The following MATN2 variants were observed in gnomAD, a reference collection of about 807,000 sequenced individuals.
MATN2 encodes matrilin-2.
In MATN2, 69 loss-of-function variants were observed where a neutral mutation model predicts 103.2. The observed-to-expected ratio is 0.67, with a 90% CI of 0.55 to 0.82. The LOEUF (loss-of-function observed/expected upper bound fraction) is 0.82, where lower values mean the gene tolerates loss of function less well. Ranked by LOEUF, MATN2 falls within the 40% of genes least tolerant of loss-of-function variation. The pLI is 0.00. For missense variants in MATN2, 1,023 were observed against 1,211.5 expected (o/e 0.84, Z 2.31); for synonymous variants, 429 against 450.2 (o/e 0.95, Z 0.60).
At chr8:97,939,338 A>T (rs1810478558) in intron 3 of MATN2, among the ~76,000 whole-genome samples, 2 of 152,184 alleles carry the variant, frequency 1.3e-5, no homozygotes, top group Admixed American at 6.6e-5. Flanking sequence ...CACCATTTTA[A>T]ACCGCAAAAT....
At chr8:97,970,277 A>G (rs1243354572) in intron 5 of MATN2, among the ~76,000 whole-genome samples, 1 of 152,198 alleles carries the variant, frequency 6.6e-6, no homozygotes, top group Non-Finnish European at 1.5e-5. Context: ...AGGTGTTGCC[A>G]TAGCAACAGT....
intron 2 of MATN2, among the ~76,000 whole-genome samples, chr8:97,928,218 CTTTTTTTTTTT>C (rs34226792): frequency 4.5e-5 from 4 of 89,290 alleles, no homozygotes; most frequent in East Asian, 3.9e-4. Context: ...GCACTCCTGC[CTTTTTTTTTTT>C]TTTTTTTTTT....
chr8:97,904,687 T>C (rs907987944), intron 2 of MATN2, among the ~76,000 whole-genome samples: 13 of 152,142 alleles, frequency 8.5e-5, no homozygotes, highest in African/African-American at 3.1e-4. Flanking sequence ...CAGTCTCAAT[T>C]TGTAGATAAG....
chr8:97,994,548 T>A lies in MATN2; in HGVS notation c.1150T>A (p.Ser384Thr), dbSNP rs77491480. The change falls in exon 7 of 19, where the codon TCC (serine) becomes ACC (threonine). Residue 384 changes from serine to threonine, a missense_variant. Coordinates refer to ENST00000254898, the MANE Select transcript of MATN2 (RefSeq NM_002380.5). ...GTGTGTTAACACAGATGATTCCTATTCCTGCCACTGCCTGAAAGGCTTTAC... is the reference window on the plus strand; with the variant it reads ...GTGTGTTAACACAGATGATTCCTATACCTGCCACTGCCTGAAAGGCTTTAC... ...HECVNTDDSY[S>T]CHCLKGFTLN... 6.2e-7 allele frequency: 1 copy of A among 1,613,350 alleles called. No individual in the cohort carries two copies. The highest frequency in any genetic ancestry group is 8.5e-7 in the Non-Finnish European group (1 of 1,179,796).
intron 1 of MATN2, among the ~76,000 whole-genome samples, chr8:97,874,983 TG>T (rs1198242230): frequency 6.6e-6 from 1 of 152,174 alleles, no homozygotes. Flanking sequence ...CCCAAAATGC[TG>T]GGATTACAGG....
chr8:98,016,504 C>A, intron 10 of MATN2, 36 bp from the exon 11 acceptor site: 1 of 1,579,102 alleles, frequency 6.3e-7, no homozygotes, highest in African/African-American at 1.3e-5. Context: ...GAGTCATTTT[C>A]TTCTTCTGTT....
Position 97,869,255 on chromosome 8 carries a change from C to G in MATN2, c.-59C>G, listed in dbSNP as rs1817811163. 6.6e-6 allele frequency: 1 copy of G among 152,280 alleles called. No homozygotes were observed. Among genetic ancestry groups the G allele is most frequent in the African/African-American group, 2.4e-5 (1 of 41,470 alleles). 9.4% of individuals were successfully genotyped at this position (152,280 alleles called of 1,614,324 possible). ...CGAGGAAGACCCGGGTGGCTGCGCC[C>G]CTGCCTCGCTTCCCAGGCGCCGGCG... On this transcript the variant is annotated 5_prime_UTR_variant, in exon 1 of 19. Coordinates refer to ENST00000254898, the MANE Select transcript of MATN2 (RefSeq NM_002380.5).
intron 2 of MATN2, among the ~76,000 whole-genome samples, chr8:97,905,906 C>T (rs112226297): frequency 0.015 from 2,325 of 152,272 alleles, 65 homozygotes; most frequent in African/African-American, 0.053. Context: ...AGCAATCCAC[C>T]TGCCATGGCC....
At chr8:98,027,143 A>G (rs931700407) in intron 13 of MATN2, among the ~76,000 whole-genome samples, 6 of 152,054 alleles carry the variant, frequency 3.9e-5, no homozygotes, top group African/African-American at 1.2e-4. Flanking sequence ...CCAGGGTACA[A>G]TGTAGACTTG....
At position 98,027,523 on chromosome 8, in the gene MATN2, T is replaced by G. The variant is rs779837261; in HGVS notation, c.2050T>G (p.Ser684Ala). 6.2e-7 allele frequency: 1 copy of G among 1,613,802 alleles called. No individual in the cohort carries two copies. The highest frequency in any genetic ancestry group is 1.3e-5 in the African/African-American group (1 of 74,898). The change falls in exon 14 of 19, where the codon TCC (serine) becomes GCC (alanine). Residue 684 changes from serine to alanine, a missense_variant. Coordinates refer to ENST00000254898, the MANE Select transcript of MATN2 (RefSeq NM_002380.5). ...VKQFVTGIID[S>A]LTISPKAARV... ...GCAGTTTGTCACTGGAATTATAGAT[T>G]CCTTGACAATTTCCCCCAAAGCCGC...
At chr8:97,880,911 G>C (rs1818234088) in intron 1 of MATN2, among the ~76,000 whole-genome samples, 2 of 152,156 alleles carry the variant, frequency 1.3e-5, no homozygotes, top group Admixed American at 6.5e-5. Flanking sequence ...CAAGTAGACT[G>C]ACTGCCTGAG....
intron 1 of MATN2, among the ~76,000 whole-genome samples, chr8:97,875,673 G>A (rs1197539215): frequency 2.8e-5 from 4 of 145,042 alleles, no homozygotes; most frequent in South Asian, 2.2e-4. Flanking sequence ...CTCTGGATCT[G>A]TGTAGAGTAT....
intron 2 of MATN2, among the ~76,000 whole-genome samples, chr8:97,903,641 G>A (rs1819064840): frequency 1.3e-5 from 2 of 152,176 alleles, no homozygotes; most frequent in Non-Finnish European, 1.5e-5. Context: ...GGCAGATGCT[G>A]CTGTGTAGAG....
intron 2 of MATN2, among the ~76,000 whole-genome samples, chr8:97,923,504 T>TC (rs746338491): frequency 5.3e-5 from 8 of 152,094 alleles, no homozygotes; most frequent in Admixed American, 1.3e-4. Context: ...TCTCCAATAT[T>TC]CTTGTCTTCC....
chr8:97,973,161 G>A (rs935633289), intron 5 of MATN2, among the ~76,000 whole-genome samples: 11 of 152,276 alleles, frequency 7.2e-5, no homozygotes, highest in South Asian at 4.1e-4. Context: ...CTCATCTGCC[G>A]TCTCCAGAAG....
At chr8:97,967,290 T>C (rs1178030609) in intron 5 of MATN2, among the ~76,000 whole-genome samples, 1 of 152,178 alleles carries the variant, frequency 6.6e-6, no homozygotes, top group African/African-American at 2.4e-5. Flanking sequence ...CCATATTTCA[T>C]GTCCTTCTCA....
At chr8:98,002,706 C>T (rs1812828136) in intron 7 of MATN2, among the ~76,000 whole-genome samples, 2 of 152,178 alleles carry the variant, frequency 1.3e-5, no homozygotes, top group Admixed American at 1.3e-4. Context: ...GGAGAATCCA[C>T]AGGTATACTT....
intron 1 of MATN2, among the ~76,000 whole-genome samples, chr8:97,887,540 C>A (rs1410432262): frequency 6.6e-6 from 1 of 152,192 alleles, no homozygotes; most frequent in Non-Finnish European, 1.5e-5. Context: ...AAGCCCATAA[C>A]CACTGTGCCA....
In MATN2 at chr8:98,005,824, A is replaced by G. The variant is rs1812948201; in HGVS notation, c.1328-1281A>G. ...TTAAACAAGGGCAAACTGTGACACA[A>G]AGGGATTAAGTCACTGTCCTGGGGT... On this transcript the variant is annotated intron_variant, in intron 8 of 18. Transcript: ENST00000254898. The surrounding 1 kb of genome is among the most constrained non-coding windows in gnomAD (Gnocchi z 4.6). 6.6e-6 allele frequency among the ~76,000 whole-genome samples: 1 copy of G among 152,218 alleles called. No homozygotes were observed. The highest frequency in any genetic ancestry group is 2.4e-5 in the African/African-American group (1 of 41,452).
Sources: gnomAD v4.1 joint callset for allele counts (sites outside exome capture counted in the v4.1 genomes callset) on GRCh38, gnomAD v4.1.1 for gene constraint, Gnocchi (gnomAD v3.1) non-coding constraint, MANE v1.5 for transcripts, NCBI Gene and HGNC (gene_info 2026-07-23, HGNC 2026-07-21) for gene names.